The following LDAH variants were observed in gnomAD, a reference collection of about 807,000 sequenced individuals.
LDAH encodes the protein lipid droplet-associated hydrolase.
In LDAH, 26 loss-of-function variants were observed where a neutral mutation model predicts 29.6. That is an observed-to-expected ratio of 0.88 (90% CI 0.64 to 1.22). LDAH has a LOEUF of 1.22. Among genes scored for constraint, LDAH ranks in the 50% most tolerant of loss-of-function variants. LDAH has a pLI of 0.00. For missense variants in LDAH, 344 were observed against 387.3 expected (o/e 0.89, Z 0.94); for synonymous variants, 117 against 133.0 (o/e 0.88, Z 0.83).
chr2:20,790,138 T>C, intron 3 of LDAH, 117 bp downstream of exon 3: 1 of 1,025,698 alleles, frequency 9.7e-7, no homozygotes, highest in South Asian at 1.8e-5. Context: ...TATGGCACCA[T>C]GGGCCTAATG....
At chr2:20,692,018 C>A (rs986199371) in intron 6 of LDAH, among the ~76,000 whole-genome samples, 27 of 152,220 alleles carry the variant, frequency 1.8e-4, no homozygotes, top group African/African-American at 6.3e-4. Flanking sequence ...TTTTTCCCCA[C>A]TTTTTGGGGG....
chr2:20,771,452 T>G (rs979037298), intron 4 of LDAH, among the ~76,000 whole-genome samples: 17 of 152,234 alleles, frequency 1.1e-4, no homozygotes, highest in Non-Finnish European at 2.5e-4. Context: ...GCAAAATGAT[T>G]AAGGATTGTA....
In LDAH at chr2:20,740,109, C is replaced by T; in HGVS notation, c.565G>A (p.Val189Ile). 1 of 1,614,106 alleles carries T rather than the reference C, an allele frequency of 6.2e-7. No homozygotes were observed. The highest frequency in any genetic ancestry group is 8.5e-7 in the Non-Finnish European group (1 of 1,179,982). ...AATAAGTAGCCAGTAACATAGAGAA[C>T]ATATCGAAACCAGCACAAAAGTGGA... ...ATPLLCWFRYVLYVTGYLLLK... is the reference protein window; with the variant it reads ...ATPLLCWFRYILYVTGYLLLK... The change falls in exon 5 of 7, where the codon GTT (valine) becomes ATT (isoleucine). Residue 189 changes from valine (V) to isoleucine (I), a missense_variant. Transcript: ENST00000237822.
At chr2:20,726,992 C>G (rs1666064050) in intron 5 of LDAH, among the ~76,000 whole-genome samples, 1 of 152,272 alleles carries the variant, frequency 6.6e-6, no homozygotes, top group South Asian at 2.1e-4. Flanking sequence ...GTCCTAAATC[C>G]TAACACTGAC....
intron 3 of LDAH, 115 bp downstream of exon 3, chr2:20,790,140 G>A: frequency 2.9e-6 from 3 of 1,039,520 alleles, no homozygotes; most frequent in Non-Finnish European, 4.2e-6. Context: ...TGGCACCATG[G>A]GCCTAATGCC....
chr2:20,735,300 C>CT lies in LDAH; in HGVS notation c.703+4670dup, dbSNP rs575689942. Among the ~76,000 whole-genome samples the CT allele has an allele frequency of 3.1e-3, 467 of 152,178 alleles. 6 individuals carry two copies. Among genetic ancestry groups the CT allele is most frequent in the Middle Eastern group, 3.4e-3 (1 of 294 alleles). On this transcript the variant is annotated intron_variant, in intron 5 of 6. Transcript: ENST00000237822. ...CCAACAGGTCCCTGAGGTTCTGTTCCTTTTTTTCCCCTTTTTAGTCTATTT... is the reference window on the plus strand; with the variant it reads ...CCAACAGGTCCCTGAGGTTCTGTTCCTTTTTTTTCCCCTTTTTAGTCTATTT...
intron 4 of LDAH, among the ~76,000 whole-genome samples, chr2:20,758,202 A>G (rs1013535969): frequency 2.6e-5 from 4 of 152,240 alleles, no homozygotes; most frequent in Non-Finnish European, 5.9e-5. Context: ...TGTCAAATAT[A>G]TGATCTCTGA....
At position 20,740,016 on chromosome 2, in the gene LDAH, C is replaced by T; in HGVS notation, c.658G>A (p.Glu220Lys). The T allele has an allele frequency of 6.2e-7, 1 of 1,614,054 alleles. No homozygotes were observed. Among genetic ancestry groups the T allele is most frequent in the Non-Finnish European group, 8.5e-7 (1 of 1,179,978 alleles). The change falls in exon 5 of 7, where the codon GAG (glutamate) becomes AAG (lysine). Residue 220 changes from glutamate to lysine, a missense_variant. Glu to Lys is a moderately conservative substitution (Grantham distance 56). Transcript: ENST00000237822. Reference protein sequence around the residue: ...IRRGLQVMNLENEFSPLNILE... With the variant: ...IRRGLQVMNLKNEFSPLNILE... Reference sequence around the variant, plus strand: ...ATATTCAATGGTGAAAATTCATTCTCTAGGTTCATTACTTGAAGGCCCCTT... The same window carrying T: ...ATATTCAATGGTGAAAATTCATTCTTTAGGTTCATTACTTGAAGGCCCCTT...
chr2:20,798,129 C>T (rs1438687522), intron 2 of LDAH, among the ~76,000 whole-genome samples: 1 of 152,176 alleles, frequency 6.6e-6, no homozygotes, highest in African/African-American at 2.4e-5. Context: ...TTATTTCCAA[C>T]CTAGAGTCTA....
intron 3 of LDAH, chr2:20,789,376 A>T (rs1246104203): frequency 6.7e-7 from 1 of 1,492,984 alleles, no homozygotes; most frequent in South Asian, 1.4e-5. Context: ...TCAGACATCG[A>T]ATCTGCCAGT....
intron 5 of LDAH, among the ~76,000 whole-genome samples, chr2:20,715,761 G>A (rs1665131475): frequency 6.6e-6 from 1 of 152,150 alleles, no homozygotes; most frequent in Non-Finnish European, 1.5e-5. Context: ...GCCAAATCAT[G>A]AGTGAACTCC....
chr2:20,816,269 CT>C (rs1282153451), intron 1 of LDAH, among the ~76,000 whole-genome samples: 2 of 151,950 alleles, frequency 1.3e-5, no homozygotes, highest in African/African-American at 4.8e-5. Flanking sequence ...GGCTTAAGCC[CT>C]AACACAGCAA....
intron 5 of LDAH, among the ~76,000 whole-genome samples, chr2:20,728,137 A>G (rs1476455754): frequency 6.6e-6 from 1 of 152,254 alleles, no homozygotes; most frequent in Non-Finnish European, 1.5e-5. Flanking sequence ...CTATCTAGAT[A>G]GGGCAGGATT....
chr2:20,736,270 C>T (rs1446082326), intron 5 of LDAH, among the ~76,000 whole-genome samples: 3 of 152,026 alleles, frequency 2.0e-5, no homozygotes, highest in Non-Finnish European at 4.4e-5. Flanking sequence ...GGTGAAACCC[C>T]ATCTCTACTA....
In LDAH at chr2:20,685,682, A is replaced by G; in HGVS notation, c.*1221T>C. On this transcript the variant is annotated 3_prime_UTR_variant, in exon 7 of 7. Transcript: ENST00000237822. ...TCTAGGAGAAAAAGGAATATTTCTG[A>G]TCCATGATCAACTGTCACTGCAGTA... is the stretch of plus-strand genomic sequence containing the variant. 1.3e-6 allele frequency: 2 copies of G among 1,545,564 alleles called. No homozygotes were observed. The highest frequency in any genetic ancestry group is 1.7e-6 in the Non-Finnish European group (2 of 1,145,476).
chr2:20,743,230 T>C (rs1451992577), intron 4 of LDAH, among the ~76,000 whole-genome samples: 1 of 151,982 alleles, frequency 6.6e-6, no homozygotes, highest in Non-Finnish European at 1.5e-5. Flanking sequence ...TCTTAGCATG[T>C]CAGTTATACT....
intron 6 of LDAH, among the ~76,000 whole-genome samples, chr2:20,700,129 C>T (rs12466844): frequency 0.063 from 9,560 of 152,264 alleles, 409 homozygotes; most frequent in East Asian, 0.13. Flanking sequence ...GATTCACTTA[C>T]AGTTTAAATG....
intron 3 of LDAH, among the ~76,000 whole-genome samples, chr2:20,786,254 A>G (rs1181968950): frequency 6.6e-6 from 1 of 152,150 alleles, no homozygotes; most frequent in South Asian, 2.1e-4. Flanking sequence ...CAGTGGCACT[A>G]TCTCGGCTCA....
Position 20,801,364 on chromosome 2 carries a change from G to C in LDAH, c.100C>G (p.Leu34Val), listed in dbSNP as rs371397082. The C allele has an allele frequency of 3.1e-6, 5 of 1,613,960 alleles. No homozygotes were observed. The highest frequency in any genetic ancestry group is 3.3e-5 in the Admixed American group (2 of 59,984). Residue 34 changes from leucine to valine, a missense_variant, in exon 2 of 7, where the codon CTC becomes GTC. Transcript: ENST00000237822. ...CTTTTGACACTTTGATCATGAAAGA[G>C]GTCTGTCCAGGGCCCACATTTTAGA... ...QVLKCGPWTD[L>V]FHDQSVKRPK...
Sources: allele counts gnomAD v4.1 joint callset (sites outside exome capture counted in the v4.1 genomes callset), GRCh38; gene constraint gnomAD v4.1.1; transcripts MANE v1.5; gene names NCBI Gene and HGNC (gene_info 2026-07-23, HGNC 2026-07-21).